The following ACOXL variants were observed in gnomAD, a reference collection of about 807,000 sequenced individuals.
ACOXL encodes the protein acyl-CoA oxidase like, also known as acyl-coenzyme A oxidase-like protein.
A neutral mutation model predicts 71.9 loss-of-function variants in ACOXL; 70 were observed. The observed-to-expected ratio is 0.97, with a 90% CI of 0.80 to 1.19. ACOXL has a LOEUF of 1.19. ACOXL is among the 50% of genes most tolerant of loss of function. ACOXL has a pLI of 0.00. For missense variants in ACOXL, 703 were observed against 736.3 expected (o/e 0.95, Z 0.52); for synonymous variants, 253 against 281.6 (o/e 0.90, Z 1.02).
intron 1 of ACOXL, among the ~76,000 whole-genome samples, chr2:110,751,742 C>T (rs1420885325): frequency 4.6e-5 from 7 of 152,214 alleles, no homozygotes; most frequent in Admixed American, 4.6e-4. Flanking sequence ...CTTGCCTCCA[C>T]CCTCCTGGAG....
At chr2:110,968,772 G>A in intron 12 of ACOXL, 1 of 267,696 alleles carries the variant, frequency 3.7e-6, no homozygotes, top group South Asian at 1.1e-4. Flanking sequence ...ATAAACTTAT[G>A]GACAGCAAAA....
chr2:110,968,595 A>C, intron 12 of ACOXL: 1 of 913,292 alleles, frequency 1.1e-6, no homozygotes, highest in Non-Finnish European at 1.7e-6. Context: ...TATGAAAAGA[A>C]GCCCAAGAAA....
intron 1 of ACOXL, among the ~76,000 whole-genome samples, chr2:110,754,932 C>T (rs1484410652): frequency 1.3e-5 from 2 of 152,200 alleles, no homozygotes; most frequent in Non-Finnish European, 2.9e-5. Flanking sequence ...ATTTTACACT[C>T]CTACCTCCAG....
intron 9 of ACOXL, among the ~76,000 whole-genome samples, chr2:110,825,330 C>T (rs1689043279): frequency 6.6e-6 from 1 of 152,134 alleles, no homozygotes. Flanking sequence ...CAGGAAATAA[C>T]AATTAAAAAA....
intron 17 of ACOXL, among the ~76,000 whole-genome samples, chr2:111,097,259 A>G (rs1051771641): frequency 6.6e-6 from 1 of 152,224 alleles, no homozygotes; most frequent in Non-Finnish European, 1.5e-5. Flanking sequence ...CCCTGTTCTC[A>G]GAAATAGAAA....
chr2:110,788,920 G>A (rs1205337728), intron 3 of ACOXL, among the ~76,000 whole-genome samples: 2 of 152,240 alleles, frequency 1.3e-5, no homozygotes, highest in East Asian at 3.8e-4. Flanking sequence ...CCCCCTGCCA[G>A]CTCAAGAGCC....
intron 1 of ACOXL, among the ~76,000 whole-genome samples, chr2:110,768,143 T>A (rs7419932): frequency 0.18 from 26,609 of 151,682 alleles, 5,177 homozygotes; most frequent in African/African-American, 0.49. Flanking sequence ...AATAATAATA[T>A]TAATAAGAAG....
At chr2:111,092,191 G>T (rs1243387391) in intron 16 of ACOXL, among the ~76,000 whole-genome samples, 2 of 152,140 alleles carry the variant, frequency 1.3e-5, no homozygotes, top group African/African-American at 4.8e-5. Context: ...TATGGGTGAT[G>T]GAGACATGAG....
At position 110,975,808 on chromosome 2, in the gene ACOXL, C is replaced by CAA. The variant is rs200729331; in HGVS notation, c.1060-11288_1060-11287dup. 4.2e-4 allele frequency among the ~76,000 whole-genome samples: 53 copies of CAA among 125,024 alleles called. No individual in the cohort carries two copies. The East Asian group carries it at 9.4e-3, about 22-fold the overall frequency. The allele number at this position is 125,024 out of a possible 152,430, so 82.0% of individuals were successfully genotyped here. ...CTTGGAAAATTAAAAATAAAGATTGCAAAAAAAAAAAAATCCAATGTAAGG... is the reference window on the plus strand; with the variant it reads ...CTTGGAAAATTAAAAATAAAGATTGCAAAAAAAAAAAAAAATCCAATGTAAGG... On this transcript the variant is annotated intron_variant, in intron 12 of 17. Transcript: ENST00000439055.
At chr2:110,742,090 C>T (rs1677623152) in intron 1 of ACOXL, among the ~76,000 whole-genome samples, 4 of 152,100 alleles carry the variant, frequency 2.6e-5, no homozygotes, top group African/African-American at 7.2e-5. Flanking sequence ...GGAGAGGGTC[C>T]CAGGGATGGG....
chr2:111,075,949 T>C (rs541959938), intron 16 of ACOXL, among the ~76,000 whole-genome samples: 14 of 152,170 alleles, frequency 9.2e-5, no homozygotes, highest in Non-Finnish European at 1.8e-4. Context: ...GTCTAATTTA[T>C]GTTTAGATTT....
chr2:110,772,524 G>A (rs574473675), intron 2 of ACOXL, among the ~76,000 whole-genome samples: 1 of 152,292 alleles, frequency 6.6e-6, no homozygotes, highest in East Asian at 1.9e-4. Context: ...GAGGGAGCCA[G>A]CTGGGATCAG....
intron 15 of ACOXL, 120 bp from the exon 16 acceptor site, chr2:111,049,098 C>A: frequency 1.2e-6 from 1 of 815,474 alleles, no homozygotes; most frequent in Non-Finnish European, 2.0e-6. Context: ...TGCCATGTCA[C>A]CAAGGAAGGA....
chr2:110,992,365 G>A (rs1432935522), intron 13 of ACOXL, among the ~76,000 whole-genome samples: 1 of 152,174 alleles, frequency 6.6e-6, no homozygotes, highest in East Asian at 1.9e-4. Context: ...CACTCACTGT[G>A]TACCGGGCAC....
Position 110,837,281 on chromosome 2 carries a change from G to A in ACOXL, c.754-4090G>A, listed in dbSNP as rs547098771. Among the ~76,000 whole-genome samples the A allele has an allele frequency of 1.3e-4, 20 of 152,286 alleles. No individual in the cohort carries two copies. In the South Asian group the frequency reaches 3.7e-3, roughly 28 times the overall value. Reference sequence around the variant, plus strand: ...GCACATCTTCACCATGAGGTCCAGGGTACCTTCAAAAGATCGGATTCCCAG... The same window carrying A: ...GCACATCTTCACCATGAGGTCCAGGATACCTTCAAAAGATCGGATTCCCAG... On this transcript the variant is annotated intron_variant, in intron 9 of 17. Coordinates refer to ENST00000439055, the MANE Select transcript of ACOXL (RefSeq NM_001142807.4).
chr2:110,865,386 C>G (rs918776400), intron 10 of ACOXL, among the ~76,000 whole-genome samples: 1 of 152,148 alleles, frequency 6.6e-6, no homozygotes, highest in African/African-American at 2.4e-5. Flanking sequence ...TTTACTTTGC[C>G]TTAACTTTGC....
At chr2:110,868,056 C>G (rs773193804) in intron 10 of ACOXL, among the ~76,000 whole-genome samples, 7 of 152,154 alleles carry the variant, frequency 4.6e-5, no homozygotes, top group Non-Finnish European at 7.4e-5. Flanking sequence ...CCACCACGCC[C>G]GGCCAAAAAT....
intron 10 of ACOXL, among the ~76,000 whole-genome samples, chr2:110,845,805 G>A (rs1239163767): frequency 1.3e-5 from 2 of 152,122 alleles, no homozygotes; most frequent in African/African-American, 4.8e-5. Flanking sequence ...GCATGTATAG[G>A]CCACGTTCTG....
At chr2:110,999,857 G>A (rs905038150) in intron 14 of ACOXL, among the ~76,000 whole-genome samples, 1 of 152,238 alleles carries the variant, frequency 6.6e-6, no homozygotes, top group African/African-American at 2.4e-5. Context: ...GTCAACACTT[G>A]CTGCAACCTC....
Sources: allele counts gnomAD v4.1 joint callset (sites outside exome capture counted in the v4.1 genomes callset), GRCh38; gene constraint gnomAD v4.1.1; transcripts MANE v1.5; gene names NCBI Gene and HGNC (gene_info 2026-07-23, HGNC 2026-07-21).